RAMP3: variants seen among roughly 807,000 people sequenced by gnomAD.
RAMP3 encodes the protein receptor activity modifying protein 3.
Under a neutral mutation model 13.5 loss-of-function variants are expected in RAMP3, and 14 were observed. That is an observed-to-expected ratio of 1.04 (90% confidence interval 0.69 to 1.63). RAMP3 has a LOEUF of 1.63. Ranked by LOEUF, RAMP3 falls within the 40% of genes most tolerant of loss-of-function variation. The pLI is 0.00. For missense variants in RAMP3, 200 were observed against 204.8 expected (o/e 0.98, Z 0.14); for synonymous variants, 106 against 88.3 (o/e 1.20, Z -1.12).
Position 45,183,468 on chromosome 7 carries a change from G to A in RAMP3, c.*56G>A. On this transcript the variant is annotated 3_prime_UTR_variant, in exon 3 of 3. Transcript: ENST00000242249. Reference sequence around the variant, plus strand: ...TGGCAAGCTGGAAGAAAGTTCCCTGGGGATGGGAGAGCGGGTGGGTGCTGC... The same window carrying A: ...TGGCAAGCTGGAAGAAAGTTCCCTGAGGATGGGAGAGCGGGTGGGTGCTGC... 3 of 1,593,922 alleles carry A rather than the reference G, an allele frequency of 1.9e-6. No individual in the cohort carries two copies. The highest frequency in any genetic ancestry group is 2.6e-6 in the Non-Finnish European group (3 of 1,172,636).
intron 1 of RAMP3, among the ~76,000 whole-genome samples, chr7:45,174,683 A>G (rs760117289): frequency 1.3e-5 from 2 of 152,026 alleles, no homozygotes; most frequent in African/African-American, 4.8e-5. Context: ...CGCAGCCCCT[A>G]TATGGCCTGT....
intron 1 of RAMP3, among the ~76,000 whole-genome samples, chr7:45,169,736 G>T (rs1249898233): frequency 6.6e-6 from 1 of 152,126 alleles, no homozygotes; most frequent in East Asian, 1.9e-4. Context: ...TTCTGTGTGT[G>T]TCTTTCTCTG....
rs775963053 is a variant in RAMP3, at chr7:45,183,418, C to T, written c.*6C>T. On this transcript the variant is annotated 3_prime_UTR_variant, in exon 3 of 3. Coordinates refer to ENST00000242249, the MANE Select transcript of RAMP3 (RefSeq NM_005856.3). ...GCACCGACACGCTGCTGTGAGGGTC[C>T]CGGTGAGATGGAGTGGGTCACACCT... The T allele has an allele frequency of 1.9e-6, 3 of 1,610,950 alleles. No homozygotes were observed. Among genetic ancestry groups the T allele is most frequent in the South Asian group, 2.2e-5 (2 of 91,084 alleles).
intron 2 of RAMP3, among the ~76,000 whole-genome samples, chr7:45,180,738 G>A (rs1786292765): frequency 6.6e-6 from 1 of 152,258 alleles, no homozygotes; most frequent in African/African-American, 2.4e-5. Flanking sequence ...GGTGGGTGGG[G>A]GGAGAGGGAG....
chr7:45,163,816 G>T, intron 1 of RAMP3: 1 of 985,448 alleles, frequency 1.0e-6, no homozygotes, highest in Non-Finnish European at 1.2e-6. Flanking sequence ...CATCTGGAGG[G>T]TGGCACGGTC....
intron 1 of RAMP3, among the ~76,000 whole-genome samples, chr7:45,167,539 T>A (rs933646181): frequency 7.9e-5 from 12 of 151,068 alleles, no homozygotes; most frequent in Non-Finnish European, 1.5e-5. Context: ...TTGGGATGTG[T>A]GAGTCCTACA....
chr7:45,178,194 A>G (rs759122869), intron 2 of RAMP3, among the ~76,000 whole-genome samples: 4 of 152,080 alleles, frequency 2.6e-5, no homozygotes, highest in Non-Finnish European at 4.4e-5. Flanking sequence ...ACTTAGAGGA[A>G]TTGGGTTCCA....
chr7:45,170,063 T>C (rs967638466), intron 1 of RAMP3, among the ~76,000 whole-genome samples: 6 of 152,188 alleles, frequency 3.9e-5, no homozygotes, highest in African/African-American at 1.4e-4. Context: ...ATCTCCTCTT[T>C]CATCCCTGAT....
intron 1 of RAMP3, among the ~76,000 whole-genome samples, chr7:45,174,154 C>T (rs1391460120): frequency 6.6e-6 from 1 of 152,140 alleles, no homozygotes; most frequent in Admixed American, 6.5e-5. Context: ...GTGAAGACAG[C>T]AGGCCCGGCA....
chr7:45,180,836 G>A (rs1365394008), intron 2 of RAMP3, among the ~76,000 whole-genome samples: 1 of 152,234 alleles, frequency 6.6e-6, no homozygotes, highest in Non-Finnish European at 1.5e-5. Context: ...TAGGGAGAGT[G>A]CTCTGGGGAG....
intron 2 of RAMP3, among the ~76,000 whole-genome samples, chr7:45,179,948 G>C (rs1358543056): frequency 6.6e-6 from 1 of 152,224 alleles, no homozygotes; most frequent in Non-Finnish European, 1.5e-5. Context: ...CCGCAGCCCT[G>C]GAAACCGAGG....
At chr7:45,182,509 C>G (rs1786336413) in intron 2 of RAMP3, among the ~76,000 whole-genome samples, 1 of 152,180 alleles carries the variant, frequency 6.6e-6, no homozygotes, top group African/African-American at 2.4e-5. Context: ...CATGGAGCAT[C>G]ATGGGTGGTT....
chr7:45,161,754 TAGGCTGAGGGGGGACC>T (rs1185522695), intron 1 of RAMP3, among the ~76,000 whole-genome samples: 1 of 148,914 alleles, frequency 6.7e-6, no homozygotes, highest in Non-Finnish European at 1.5e-5. Context: ...ACAGTCAGAG[TAGGCTGAGGGGGGACC>T]AGGCCAAGTG....
chr7:45,166,593 C>T (rs1785966166), intron 1 of RAMP3, among the ~76,000 whole-genome samples: 1 of 151,922 alleles, frequency 6.6e-6, no homozygotes, highest in Admixed American at 6.6e-5. Context: ...CATATATTTT[C>T]TTTCATTCAG....
At chr7:45,176,408 A>G (rs1455063815) in intron 1 of RAMP3, among the ~76,000 whole-genome samples, 1 of 151,562 alleles carries the variant, frequency 6.6e-6, no homozygotes, top group East Asian at 1.9e-4. Flanking sequence ...ACACACACAC[A>G]CACACACCAA....
intron 2 of RAMP3, among the ~76,000 whole-genome samples, chr7:45,179,255 G>A (rs1219426106): frequency 2.0e-5 from 3 of 152,118 alleles, no homozygotes; most frequent in Non-Finnish European, 4.4e-5. Flanking sequence ...CCAGCCAAGA[G>A]GAAGGACCTA....
chr7:45,176,597 G>A (rs868483985), intron 1 of RAMP3, among the ~76,000 whole-genome samples: 16 of 152,276 alleles, frequency 1.1e-4, no homozygotes, highest in Middle Eastern at 3.4e-3. Context: ...CTGAAGGACA[G>A]GGGGCATTGC....
chr7:45,183,434 G>T lies in RAMP3; in HGVS notation c.*22G>T. ...GTGAGGGTCCCGGTGAGATGGAGTG[G>T]GTCACACCTGGCAAGCTGGAAGAAA... On this transcript the variant is annotated 3_prime_UTR_variant, in exon 3 of 3. Coordinates refer to ENST00000242249, the MANE Select transcript of RAMP3 (RefSeq NM_005856.3). 2.5e-6 allele frequency: 4 copies of T among 1,605,592 alleles called. No individual in the cohort carries two copies. Among genetic ancestry groups the T allele is most frequent in the Non-Finnish European group, 3.4e-6 (4 of 1,177,282 alleles).
chr7:45,166,520 T>A (rs534829836), intron 1 of RAMP3, among the ~76,000 whole-genome samples: 2 of 152,326 alleles, frequency 1.3e-5, no homozygotes, highest in African/African-American at 4.8e-5. Flanking sequence ...TTCCCTTTAT[T>A]ATGGAGTTGT....
Sources: gnomAD v4.1 joint callset for allele counts (sites outside exome capture counted in the v4.1 genomes callset) on GRCh38, gnomAD v4.1.1 for gene constraint, MANE v1.5 for transcripts, NCBI Gene and HGNC (gene_info 2026-07-23, HGNC 2026-07-21) for gene names.